C19orf38: variants seen among roughly 807,000 people sequenced by gnomAD.
C19orf38 encodes the protein protein HIDE1.
A neutral mutation model predicts 26.6 loss-of-function variants in C19orf38; 14 were observed. That is an observed-to-expected ratio of 0.53 (90% CI 0.35 to 0.82). C19orf38 has a LOEUF of 0.82. Ranked by LOEUF, C19orf38 falls within the 40% of genes least tolerant of loss-of-function variation. The probability of loss-of-function intolerance (pLI) is 0.01; values close to 1 mark genes in which losing one functional copy is unlikely to be tolerated. For missense variants in C19orf38, 261 were observed against 299.5 expected, an observed-to-expected ratio of 0.87 and a Z score of 0.95; for synonymous variants, 132 against 128.5, an observed-to-expected ratio of 1.03 and a Z score of -0.18.
intron 5 of C19orf38, among the ~76,000 whole-genome samples, chr19:10,860,757 C>T (rs1164128407): frequency 4.1e-5 from 6 of 147,436 alleles, no homozygotes; most frequent in Admixed American, 7.0e-5. Context: ...AGGAGAATGG[C>T]GTGAACCCAG....
chr19:10,841,077 T>C (rs1458528885), intron 1 of C19orf38, among the ~76,000 whole-genome samples: 1 of 152,202 alleles, frequency 6.6e-6, no homozygotes, highest in Admixed American at 6.5e-5. Flanking sequence ...AAGGTATCCA[T>C]TCATGTCTTT....
At chr19:10,858,178 A>G in intron 3 of C19orf38, 138 bp from the exon 4 acceptor site, 1 of 791,630 alleles carries the variant, frequency 1.3e-6, no homozygotes. Context: ...CAGTGAGCCA[A>G]GATTGAGCCA....
intron 2 of C19orf38, among the ~76,000 whole-genome samples, chr19:10,852,641 C>T (rs746942070): frequency 3.9e-5 from 6 of 152,116 alleles, no homozygotes; most frequent in Admixed American, 6.6e-5. Flanking sequence ...GCAAAGGCCC[C>T]GAGGCTGAAG....
At chr19:10,841,771 C>A (rs2146238724) in intron 1 of C19orf38, 2 of 856,624 alleles carry the variant, frequency 2.3e-6, no homozygotes, top group South Asian at 1.5e-5. Context: ...CCAGGAGTTC[C>A]CGACTAGCCT....
At position 10,855,141 on chromosome 19, in the gene C19orf38, G is replaced by A. The variant is rs1454113427; in HGVS notation, c.341-1124G>A. ...CAACCTCCACCTTTTGGGTTCAATC[G>A]ATTCTCCTGCCTCAGCGTCCCAAGT... is the stretch of plus-strand genomic sequence containing the variant. On this transcript the variant is annotated intron_variant, in intron 2 of 6. Coordinates refer to ENST00000397820, the MANE Select transcript of C19orf38 (RefSeq NM_001136482.3). 2.1e-5 allele frequency among the ~76,000 whole-genome samples: 3 copies of A among 143,548 alleles called. No individual in the cohort carries two copies. In the East Asian group the frequency reaches 6.3e-4, roughly 30 times the overall value. 94.2% of individuals were successfully genotyped at this position (143,548 alleles called of 152,430 possible). A position where few individuals can be genotyped will look rare whatever the true frequency, so the allele number is the denominator to read the frequency against.
intron 1 of C19orf38, among the ~76,000 whole-genome samples, chr19:10,840,226 T>C (rs1340332374): frequency 1.3e-5 from 2 of 152,240 alleles, no homozygotes; most frequent in East Asian, 1.9e-4. Flanking sequence ...CAAAGTGTTT[T>C]CCACAGTGGC....
At chr19:10,844,266 A>C (rs975456710), upstream of C19orf38, among the ~76,000 whole-genome samples, 1 of 151,662 alleles carries the variant, frequency 6.6e-6, no homozygotes, top group African/African-American at 2.4e-5. Flanking sequence ...TTAGCCAGGC[A>C]TGGTGGCACA....
At position 10,856,291 on chromosome 19, in the gene C19orf38, C is replaced by G. The variant is rs997102733; in HGVS notation, c.367C>G (p.Leu123Val). The G allele has an allele frequency of 1.3e-6, 2 of 1,551,166 alleles. No individual in the cohort carries two copies. The highest frequency in any genetic ancestry group is 1.7e-6 in the Non-Finnish European group (2 of 1,146,628). ...PVPTWILVLS[L>V]SLAGALFLLA... ...GCCCACTTGGATCTTGGTGCTCTCC[C>G]TGAGCCTGGCTGGTGCCCTCTTCCT... Residue 123 changes from leucine to valine, a missense_variant, in exon 3 of 7, where the codon CTG becomes GTG. Transcript: ENST00000397820.
chr19:10,838,213 A>C (rs998318179), intron 1 of C19orf38, among the ~76,000 whole-genome samples: 2 of 152,158 alleles, frequency 1.3e-5, no homozygotes, highest in Non-Finnish European at 2.9e-5. Context: ...GATCGAGACT[A>C]TCCTGGCTAA....
chr19:10,841,712 C>T, intron 1 of C19orf38: 1 of 628,190 alleles, frequency 1.6e-6, no homozygotes, highest in Non-Finnish European at 2.8e-6. Context: ...GTGGCTCACG[C>T]CTGTAATCCC....
At chr19:10,853,412 G>A (rs1468181549) in intron 2 of C19orf38, among the ~76,000 whole-genome samples, 2 of 151,146 alleles carry the variant, frequency 1.3e-5, no homozygotes, top group African/African-American at 2.4e-5. Context: ...TCAGCCTCCC[G>A]AGTAGCTGGG....
At position 10,856,224 on chromosome 19, in the gene C19orf38, C is replaced by T. The variant is rs753273683; in HGVS notation, c.341-41C>T. The T allele has an allele frequency of 2.0e-5, 29 of 1,486,490 alleles. 1 individual carries two copies. The highest frequency in any genetic ancestry group is 3.5e-4 in the Middle Eastern group (2 of 5,742). The allele number at this position is 1,486,490 out of a possible 1,614,324, so 92.1% of individuals were successfully genotyped here. A position where few individuals can be genotyped will look rare whatever the true frequency, so the allele number is the denominator to read the frequency against. On this transcript the variant is annotated intron_variant, in intron 2 of 6. Transcript: ENST00000397820. ...GCTACTCAAAGGTAACCTGGAGAGA[C>T]GACACTGACCTGCCCACTCTCTTTT...
At chr19:10,839,093 G>A (rs1011106943) in intron 1 of C19orf38, among the ~76,000 whole-genome samples, 1 of 152,064 alleles carries the variant, frequency 6.6e-6, no homozygotes, top group African/African-American at 2.4e-5. Context: ...TTTTAGTAGA[G>A]ACAGGATTTC....
At position 10,859,368 on chromosome 19, in the gene C19orf38, ATATATATATATATATAT is replaced by A. The variant is rs1259765088; in HGVS notation, c.462-545_462-529del. The stretch of plus-strand genomic sequence containing the variant: ...TGTGTGTATATATATATATATATAT[ATATATATATATATATAT>A]TTTTTTTTTTTTTTTTAGACGGAGT... On this transcript the variant is annotated intron_variant, in intron 4 of 6. Coordinates refer to ENST00000397820, the MANE Select transcript of C19orf38 (RefSeq NM_001136482.3). 4.9e-3 allele frequency among the ~76,000 whole-genome samples: 285 copies of A among 57,914 alleles called. 5 individuals are homozygous for A. Among genetic ancestry groups the A allele is most frequent in the African/African-American group, 0.022 (245 of 10,924 alleles). 38.0% of individuals were successfully genotyped at this position (57,914 alleles called of 152,430 possible).
chr19:10,859,384 A>ATATATATT (rs1568337718), intron 4 of C19orf38, among the ~76,000 whole-genome samples: 2 of 21,064 alleles, frequency 9.5e-5, no homozygotes, highest in Non-Finnish European at 1.7e-4. Flanking sequence ...ATATATATAT[A>ATATATATT]TTTTTTTTTT....
intron 1 of C19orf38, among the ~76,000 whole-genome samples, chr19:10,843,407 A>G (rs1412100915): frequency 6.6e-6 from 1 of 152,128 alleles, no homozygotes; most frequent in African/African-American, 2.4e-5. Context: ...ATCAATATCA[A>G]TCAGAAGGCT....
chr19:10,848,130 G>A (rs971143108), upstream of C19orf38, among the ~76,000 whole-genome samples: 2 of 152,152 alleles, frequency 1.3e-5, no homozygotes, highest in African/African-American at 2.4e-5. Flanking sequence ...GGTGGAGGCT[G>A]CAGTGAGCCG....
intron 2 of C19orf38, among the ~76,000 whole-genome samples, chr19:10,851,305 G>C (rs1453620179): frequency 1.3e-5 from 2 of 149,092 alleles, no homozygotes; most frequent in Non-Finnish European, 3.0e-5. Context: ...GCCTACCTCA[G>C]CCTCCCAAAG....
rs944216673 is a variant in C19orf38 at position 10,869,291 on chromosome 19, G to C, written c.617G>C (p.Arg206Thr). 2 of 1,551,548 alleles carry C rather than the reference G, an allele frequency of 1.3e-6. No homozygotes were observed. The highest frequency in any genetic ancestry group is 2.4e-5 in the East Asian group (1 of 40,934). The change falls in exon 7 of 7, where the codon AGG becomes ACG. Residue 206 changes from arginine to threonine, a missense_variant. Arg to Thr is a moderately conservative substitution (Grantham distance 71). Coordinates refer to ENST00000397820, the MANE Select transcript of C19orf38 (RefSeq NM_001136482.3). ...SGTTATPSNS[R>T]TRKRPTSTSS... ...ACCACTGCCACCCCCAGCAACTCCA[G>C]GACCCGGAAGAGGCCCACTTCCACG...
Sources: allele counts gnomAD v4.1 joint callset (sites outside exome capture counted in the v4.1 genomes callset), GRCh38; gene constraint gnomAD v4.1.1; transcripts MANE v1.5; gene names NCBI Gene and HGNC (gene_info 2026-07-23, HGNC 2026-07-21).